The following CNTN5 variants were observed in gnomAD, a reference collection of about 807,000 sequenced individuals.
CNTN5 encodes contactin-5.
A neutral mutation model predicts 129.1 loss-of-function variants in CNTN5; 77 were observed. The ratio of observed to expected loss-of-function variants is 0.60; its 90% confidence interval spans 0.50 to 0.72. CNTN5 has a LOEUF of 0.72. CNTN5 is among the 30% of genes least tolerant of loss of function. CNTN5 has a pLI of 0.00. For missense variants in CNTN5, 1,478 were observed against 1,328.8 expected (o/e 1.11, Z -1.75); for synonymous variants, 509 against 465.6 (o/e 1.09, Z -1.20).
At chr11:100,186,045 A>C (rs1948292606) in intron 13 of CNTN5, among the ~76,000 whole-genome samples, 1 of 152,160 alleles carries the variant, frequency 6.6e-6, no homozygotes, top group Non-Finnish European at 1.5e-5. Context: ...GTAGTATCTG[A>C]CAAGTAAGCC....
intron 21 of CNTN5, among the ~76,000 whole-genome samples, chr11:100,312,078 G>A (rs2138933181): frequency 6.6e-6 from 1 of 152,136 alleles, no homozygotes; most frequent in East Asian, 1.9e-4. Flanking sequence ...CATGGACATA[G>A]TAACTATTCT....
At chr11:99,804,405 T>C (rs1472838496) in intron 3 of CNTN5, among the ~76,000 whole-genome samples, 2 of 152,012 alleles carry the variant, frequency 1.3e-5, no homozygotes, top group African/African-American at 2.4e-5. Context: ...AAAAATTAGA[T>C]TTTTAAACCA....
intron 7 of CNTN5, among the ~76,000 whole-genome samples, chr11:99,918,502 T>C (rs1374696637): frequency 2.0e-5 from 3 of 152,162 alleles, no homozygotes; most frequent in Non-Finnish European, 4.4e-5. Flanking sequence ...TCTTCCCCAG[T>C]CTCACTCTCA....
At position 99,429,568 on chromosome 11, in the gene CNTN5, C is replaced by A. The variant is rs9667541; in HGVS notation, c.-71+104084C>A. Among the ~76,000 whole-genome samples the A allele has an allele frequency of 7.9e-3, 1,207 of 152,018 alleles. 15 individuals carry two copies. The highest frequency in any genetic ancestry group is 0.028 in the African/African-American group (1,146 of 41,458). Reference sequence around the variant, plus strand: ...GTTAGAGGAAGGTTAAAAATGGATACCATGCCAAACATTAAATTGTAGAAA... The same window carrying A: ...GTTAGAGGAAGGTTAAAAATGGATAACATGCCAAACATTAAATTGTAGAAA... On this transcript the variant is annotated intron_variant, in intron 2 of 24. Coordinates refer to ENST00000524871, the MANE Select transcript of CNTN5 (RefSeq NM_014361.4).
At chr11:99,107,419 T>C (rs1479131653) in intron 1 of CNTN5, among the ~76,000 whole-genome samples, 1 of 152,194 alleles carries the variant, frequency 6.6e-6, no homozygotes, top group African/African-American at 2.4e-5. Flanking sequence ...CTCTATGTTC[T>C]TGGTACTGCC....
chr11:99,068,945 C>T (rs1261296943), intron 1 of CNTN5, among the ~76,000 whole-genome samples: 1 of 152,090 alleles, frequency 6.6e-6, no homozygotes, highest in East Asian at 1.9e-4. Context: ...CTCCCTGACT[C>T]TTTTTCTAGA....
intron 3 of CNTN5, among the ~76,000 whole-genome samples, chr11:99,817,444 G>T (rs1946624832): frequency 6.6e-6 from 1 of 152,120 alleles, no homozygotes; most frequent in Non-Finnish European, 1.5e-5. Context: ...ATATGTATAA[G>T]ATTTATAGCC....
In CNTN5 at chr11:99,883,590, T is replaced by A. The variant is rs373227112; in HGVS notation, c.578-32464T>A. Among the ~76,000 whole-genome samples, 11 of 152,154 alleles carry A rather than the reference T, an allele frequency of 7.2e-5. No homozygotes were observed. In the South Asian group the frequency reaches 2.1e-3, roughly 29 times the overall value. On this transcript the variant is annotated intron_variant, in intron 6 of 24. Coordinates refer to ENST00000524871, the MANE Select transcript of CNTN5 (RefSeq NM_014361.4). ...TTACTGGCAGAAAGATTATGAAGAG[T>A]CCCTATTAAACAAAACAAAACAAAA... is the stretch of plus-strand genomic sequence containing the variant.
intron 7 of CNTN5, among the ~76,000 whole-genome samples, chr11:99,916,926 T>A (rs902363469): frequency 9.9e-5 from 15 of 152,102 alleles, no homozygotes; most frequent in Admixed American, 5.9e-4. Context: ...GGTAACAGAA[T>A]TGAAGGTCTT....
At chr11:99,076,296 A>G (rs1865568257) in intron 1 of CNTN5, among the ~76,000 whole-genome samples, 1 of 152,144 alleles carries the variant, frequency 6.6e-6, no homozygotes, top group African/African-American at 2.4e-5. Flanking sequence ...GGTTGCACCC[A>G]GTGAACTGGG....
At chr11:99,778,213 C>G (rs552678218) in intron 3 of CNTN5, among the ~76,000 whole-genome samples, 1 of 151,696 alleles carries the variant, frequency 6.6e-6, no homozygotes, top group Non-Finnish European at 1.5e-5. Flanking sequence ...CAAAAACATT[C>G]TTTAGGTATG....
intron 3 of CNTN5, among the ~76,000 whole-genome samples, chr11:99,776,438 A>T (rs951641977): frequency 2.0e-5 from 3 of 151,290 alleles, no homozygotes; most frequent in African/African-American, 7.3e-5. Flanking sequence ...ATCATTATCA[A>T]TTTTTTTTTA....
chr11:100,186,649 T>G lies in CNTN5; in HGVS notation c.1581-4477T>G, dbSNP rs144777806. Reference sequence around the variant, plus strand: ...TGTGACTTGATCTTGAATGCAAGAATGCTGATTTAAATTTCCAAAATCTCT... The same window carrying G: ...TGTGACTTGATCTTGAATGCAAGAAGGCTGATTTAAATTTCCAAAATCTCT... On this transcript the variant is annotated intron_variant, in intron 13 of 24. Transcript: ENST00000524871. Among the ~76,000 whole-genome samples the G allele has an allele frequency of 2.6e-5, 4 of 152,260 alleles. No homozygotes were observed. The East Asian group carries it at 5.8e-4, about 22-fold the overall frequency.
rs922774152 is a variant in CNTN5, at chr11:99,923,070, A to G, written c.673+6921A>G. 3.3e-5 allele frequency among the ~76,000 whole-genome samples: 5 copies of G among 152,188 alleles called. No homozygotes were observed. The South Asian group carries it at 1.0e-3, about 32-fold the overall frequency. ...AGAGAATATTAAAAATTATTCAGAA[A>G]CAGCCCACAGATCCATTTTCTTATT... On this transcript the variant is annotated intron_variant, in intron 7 of 24. Coordinates refer to ENST00000524871, the MANE Select transcript of CNTN5 (RefSeq NM_014361.4).
chr11:99,672,308 C>T (rs1262653910), intron 3 of CNTN5, among the ~76,000 whole-genome samples: 2 of 151,990 alleles, frequency 1.3e-5, no homozygotes, highest in Non-Finnish European at 2.9e-5. Flanking sequence ...CCAGTGTTGC[C>T]ACCACGTCCT....
At chr11:99,032,063 A>G (rs1863414408) in intron 1 of CNTN5, among the ~76,000 whole-genome samples, 1 of 151,822 alleles carries the variant, frequency 6.6e-6, no homozygotes, top group African/African-American at 2.4e-5. Context: ...GATGACTTCC[A>G]ATTTCATCCA....
chr11:99,531,844 C>T (rs2135469720), intron 2 of CNTN5, among the ~76,000 whole-genome samples: 1 of 152,338 alleles, frequency 6.6e-6, no homozygotes. Context: ...TACAGAAACA[C>T]CTGGCCGCCC....
At chr11:99,373,428 A>T (rs1368651684) in intron 2 of CNTN5, among the ~76,000 whole-genome samples, 1 of 151,094 alleles carries the variant, frequency 6.6e-6, no homozygotes, top group African/African-American at 2.4e-5. Context: ...ATTTGAAATT[A>T]AAAGGCCGGG....
intron 1 of CNTN5, among the ~76,000 whole-genome samples, chr11:99,229,069 G>T (rs1182349897): frequency 2.6e-5 from 4 of 151,672 alleles, no homozygotes; most frequent in East Asian, 1.9e-4. Flanking sequence ...TGCATTATTA[G>T]TATTATACTA....
Sources: allele counts gnomAD v4.1 joint callset (sites outside exome capture counted in the v4.1 genomes callset), GRCh38; gene constraint gnomAD v4.1.1; transcripts MANE v1.5; gene names NCBI Gene and HGNC (gene_info 2026-07-23, HGNC 2026-07-21).